The following ASCC3 variants were observed in gnomAD, a reference collection of about 807,000 sequenced individuals.
The protein encoded by ASCC3 is activating signal cointegrator 1 complex subunit 3.
Under a neutral mutation model 256.3 loss-of-function variants are expected in ASCC3, and 158 were observed. That is an observed-to-expected ratio of 0.62 (90% CI 0.54 to 0.70). The LOEUF (loss-of-function observed/expected upper bound fraction) is 0.70. ASCC3 is among the 30% of genes least tolerant of loss of function. The pLI, the probability that ASCC3 is intolerant of heterozygous loss-of-function variation, is 0.00. For synonymous variants in ASCC3, 948 were observed against 883.4 expected (o/e 1.07, Z -1.30); for missense variants, 2,259 against 2,626.0 (o/e 0.86, Z 3.05).
intron 36 of ASCC3, among the ~76,000 whole-genome samples, chr6:100,540,782 C>G (rs993363270): frequency 3.3e-5 from 5 of 151,958 alleles, no homozygotes; most frequent in Admixed American, 6.6e-5. Flanking sequence ...GGGGGACCTT[C>G]TTATTTTAGA....
chr6:100,772,773 C>T (rs1377088163), intron 8 of ASCC3, among the ~76,000 whole-genome samples: 1 of 152,188 alleles, frequency 6.6e-6, no homozygotes, highest in Non-Finnish European at 1.5e-5. Context: ...GGCTTTGCCA[C>T]TACTTGCAAT....
intron 14 of ASCC3, 107 bp downstream of exon 14, chr6:100,679,511 T>C: frequency 6.6e-7 from 1 of 1,514,394 alleles, no homozygotes; most frequent in East Asian, 2.3e-5. Context: ...ATCATAAATC[T>C]GCAAAATTAA....
chr6:100,608,995 C>T (rs2114820509), intron 30 of ASCC3, among the ~76,000 whole-genome samples: 1 of 150,278 alleles, frequency 6.7e-6, no homozygotes, highest in East Asian at 2.0e-4. Flanking sequence ...ATCTCCTGGC[C>T]TCGTGATCCG....
intron 24 of ASCC3, among the ~76,000 whole-genome samples, chr6:100,639,139 C>G (rs1369310049): frequency 1.3e-5 from 2 of 152,190 alleles, no homozygotes; most frequent in African/African-American, 4.8e-5. Context: ...AAACCTAAAT[C>G]TGTCTCAAGT....
At chr6:100,579,648 T>C (rs1277448233) in intron 36 of ASCC3, among the ~76,000 whole-genome samples, 2 of 151,974 alleles carry the variant, frequency 1.3e-5, no homozygotes, top group African/African-American at 4.8e-5. Context: ...GTAGATGTGT[T>C]GCTTCACTTC....
chr6:100,552,782 T>C (rs1769365399), intron 36 of ASCC3, among the ~76,000 whole-genome samples: 1 of 151,886 alleles, frequency 6.6e-6, no homozygotes, highest in Non-Finnish European at 1.5e-5. Context: ...TGAAACCCTA[T>C]AGTGTTTTTT....
Position 100,767,191 on chromosome 6 carries a change from A to G in ASCC3, c.1550T>C (p.Ile517Thr), listed in dbSNP as rs961919117. 1.2e-6 allele frequency: 2 copies of G among 1,614,030 alleles called. No individual in the cohort carries two copies. The highest frequency in any genetic ancestry group is 2.7e-5 in the African/African-American group (2 of 74,928). Reference sequence around the variant, plus strand: ...AACACCTTGTTGAAAATGTTGGCGAATTTCATGCAAGACTGTCAGCATTGC... The same window carrying G: ...AACACCTTGTTGAAAATGTTGGCGAGTTTCATGCAAGACTGTCAGCATTGC... ...NIAMLTVLHE[I>T]RQHFQQGVIK... The change falls in exon 9 of 42, where the codon ATT (isoleucine) becomes ACT (threonine). Residue 517 changes from isoleucine to threonine, a missense_variant. Physicochemically the swap from Ile to Thr is moderately conservative, Grantham distance 89. Around this residue, in one of 2 missense-constraint regions of ASCC3, gnomAD observed 1,839 missense variants for 2,206.7 expected, o/e 0.83. Coordinates refer to ENST00000369162, the MANE Select transcript of ASCC3 (RefSeq NM_006828.4).
Position 100,767,240 on chromosome 6 carries a change from T to TA in ASCC3, c.1500dup (p.Thr501TyrfsTer16). ...GCAATGTTGGTTTTTCCAGCTCCTG[T>TA]AGGGGCACAAATCAGCATGTTCTCA... On this transcript the variant is annotated frameshift_variant, in exon 9 of 42. Transcript: ENST00000369162. LOFTEE classifies it high-confidence loss of function. The TA allele has an allele frequency of 6.2e-7, 1 of 1,614,108 alleles. No individual in the cohort carries two copies. Among genetic ancestry groups the TA allele is most frequent in the Admixed American group, 1.7e-5 (1 of 60,024 alleles).
chr6:100,818,746 GCC>G (rs1770886071), intron 4 of ASCC3, among the ~76,000 whole-genome samples: 1 of 24,192 alleles, frequency 4.1e-5, no homozygotes, highest in Non-Finnish European at 7.9e-5. Flanking sequence ...TTAGGCAAAA[GCC>G]AAAAAAAAAA....
rs555163091 is a variant in ASCC3 at position 100,539,375 on chromosome 6, A to T, written c.5775+788T>A. On this transcript the variant is annotated intron_variant, in intron 37 of 41. Coordinates refer to ENST00000369162, the MANE Select transcript of ASCC3 (RefSeq NM_006828.4). Reference sequence around the variant, plus strand: ...TACCTCTCTAGGCTGGATTTTTTTCATATACTTCAACTAACACATCCTATT... The same window carrying T: ...TACCTCTCTAGGCTGGATTTTTTTCTTATACTTCAACTAACACATCCTATT... Among the ~76,000 whole-genome samples the T allele has an allele frequency of 3.7e-4, 56 of 152,274 alleles. 1 individual carries two copies. In the South Asian group the frequency reaches 6.4e-3, roughly 17 times the overall value.
At chr6:100,739,025 C>A (rs1337219194) in intron 10 of ASCC3, among the ~76,000 whole-genome samples, 1 of 152,088 alleles carries the variant, frequency 6.6e-6, no homozygotes, top group East Asian at 1.9e-4. Context: ...TGCTGGTTTT[C>A]AAGGGGAATG....
At position 100,733,863 on chromosome 6, in the gene ASCC3, GTTC is replaced by G. The variant is rs1230984736; in HGVS notation, c.1738-8163_1738-8161del. 2.6e-5 allele frequency among the ~76,000 whole-genome samples: 4 copies of G among 152,062 alleles called. 1 individual carries two copies. The highest frequency in any genetic ancestry group is 2.0e-4 in the Admixed American group (3 of 15,254). On this transcript the variant is annotated intron_variant, in intron 10 of 41. Transcript: ENST00000369162. ...TCTCCCATCTCCTCTCCACTAGCTT[GTTC>G]TTCTCCCCTAAAACATACATTGCTT...
intron 36 of ASCC3, among the ~76,000 whole-genome samples, chr6:100,581,178 A>T (rs1582489007): frequency 6.6e-6 from 1 of 152,180 alleles, no homozygotes; most frequent in Non-Finnish European, 1.5e-5. Context: ...CAATGGTTGA[A>T]CTACTTTACA....
chr6:100,616,977 A>G (rs1392539388), intron 30 of ASCC3, among the ~76,000 whole-genome samples: 1 of 151,822 alleles, frequency 6.6e-6, no homozygotes, highest in East Asian at 2.0e-4. Flanking sequence ...AGTATTCTGA[A>G]CTTTTTGTTG....
At chr6:100,695,694 C>T (rs1384793063) in intron 13 of ASCC3, among the ~76,000 whole-genome samples, 2 of 151,596 alleles carry the variant, frequency 1.3e-5, no homozygotes, top group African/African-American at 4.8e-5. Context: ...CCCTGCATGG[C>T]CAATTGGTCT....
At position 100,848,602 on chromosome 6, in the gene ASCC3, T is replaced by C. The variant is rs1582957419; in HGVS notation, c.347A>G (p.Lys116Arg). Residue 116 changes from lysine to arginine, a missense_variant, in exon 4 of 42, where the codon AAA becomes AGA. Lys to Arg is a conservative substitution (Grantham distance 26). Coordinates refer to ENST00000369162, the MANE Select transcript of ASCC3 (RefSeq NM_006828.4). ...TGAAGGAAAGGGGCCAAACATCTGT[T>C]TGATAGCCTTTGTTTCCTTGTGACC... Reference protein sequence around the residue: ...SVGHKETKAIKQMFGPFPSSS... With the variant: ...SVGHKETKAIRQMFGPFPSSS... 6.2e-7 allele frequency: 1 copy of C among 1,614,118 alleles called. No homozygotes were observed. Among genetic ancestry groups the C allele is most frequent in the Middle Eastern group, 1.7e-4 (1 of 6,060 alleles).
intron 30 of ASCC3, among the ~76,000 whole-genome samples, chr6:100,614,446 CTA>C (rs1446435013): frequency 1.3e-5 from 2 of 152,158 alleles, no homozygotes; most frequent in African/African-American, 2.4e-5. Flanking sequence ...AAACATTTAA[CTA>C]TGTTTCGGTA....
Position 100,761,958 on chromosome 6 carries a change from T to C in ASCC3, c.1737+4607A>G, listed in dbSNP as rs577235535. Among the ~76,000 whole-genome samples the C allele has an allele frequency of 1.9e-4, 29 of 152,234 alleles. No individual in the cohort carries two copies. The Middle Eastern group carries it at 0.01, about 54-fold the overall frequency. On this transcript the variant is annotated intron_variant, in intron 10 of 41. Coordinates refer to ENST00000369162, the MANE Select transcript of ASCC3 (RefSeq NM_006828.4). ...GAAATAATCAATAGACTACATACCATAGGAAAAATCCCCTTGAAAGAAGAG... is the reference window on the plus strand; with the variant it reads ...GAAATAATCAATAGACTACATACCACAGGAAAAATCCCCTTGAAAGAAGAG...
chr6:100,776,213 C>T (rs1782180785), intron 8 of ASCC3, among the ~76,000 whole-genome samples: 1 of 152,016 alleles, frequency 6.6e-6, no homozygotes, highest in South Asian at 2.1e-4. Flanking sequence ...TTAATGAATA[C>T]ATAAAGTTAA....
Sources: gnomAD v4.1 joint callset for allele counts (sites outside exome capture counted in the v4.1 genomes callset) on GRCh38, gnomAD v4.1.1 for gene constraint, gnomAD v4.1.1 regional missense constraint, MANE v1.5 for transcripts, NCBI Gene and HGNC (gene_info 2026-07-23, HGNC 2026-07-21) for gene names.